RABGAP1L: variants seen among roughly 807,000 people sequenced by gnomAD.
RABGAP1L encodes the protein rab GTPase-activating protein 1-like.
RABGAP1L carries 63 observed loss-of-function variants against 137.7 expected under a neutral mutation model. The ratio of observed to expected loss-of-function variants is 0.46; its 90% CI spans 0.37 to 0.56. RABGAP1L has a LOEUF of 0.56. Among genes scored for constraint, RABGAP1L ranks in the 20% least tolerant of loss-of-function variants. The pLI, the probability that RABGAP1L is intolerant of heterozygous loss-of-function variation, is 0.00. For synonymous variants in RABGAP1L, 431 were observed against 433.7 expected, an observed-to-expected ratio of 0.99 and a Z score of 0.08; for missense variants, 1,095 against 1,244.0, an observed-to-expected ratio of 0.88 and a Z score of 1.80.
At chr1:174,743,126 T>G (rs896810027) in intron 17 of RABGAP1L, among the ~76,000 whole-genome samples, 2 of 152,124 alleles carry the variant, frequency 1.3e-5, no homozygotes, top group Non-Finnish European at 2.9e-5. Flanking sequence ...GCAGACGAGA[T>G]GAGATGGGAG....
chr1:174,852,814 T>TC (rs1648591941), intron 19 of RABGAP1L, among the ~76,000 whole-genome samples: 1 of 73,200 alleles, frequency 1.4e-5, no homozygotes, highest in African/African-American at 3.3e-5. Context: ...AGATTTGGTC[T>TC]CAAAAAAAAA....
At chr1:174,239,905 C>G (rs1429122554) in intron 4 of RABGAP1L, among the ~76,000 whole-genome samples, 2 of 152,114 alleles carry the variant, frequency 1.3e-5, no homozygotes, top group African/African-American at 4.8e-5. Context: ...TGCTAAATTC[C>G]AAGTACCAAA....
chr1:174,253,054 A>C (rs1571788960), intron 7 of RABGAP1L, among the ~76,000 whole-genome samples: 1 of 152,230 alleles, frequency 6.6e-6, no homozygotes, highest in Admixed American at 6.5e-5. Flanking sequence ...ATATAAATAA[A>C]GTCAACAAGA....
intron 19 of RABGAP1L, among the ~76,000 whole-genome samples, chr1:174,816,003 T>C (rs1690355801): frequency 6.6e-6 from 1 of 152,196 alleles, no homozygotes; most frequent in South Asian, 2.1e-4. Flanking sequence ...CATACTTTGA[T>C]TTTTGCCTTA....
At chr1:174,327,958 T>TAA (rs1680593982) in intron 11 of RABGAP1L, among the ~76,000 whole-genome samples, 4 of 11,514 alleles carry the variant, frequency 3.5e-4, no homozygotes, top group Non-Finnish European at 5.7e-4. Flanking sequence ...CAGTTGTAAA[T>TAA]ATATATATAT....
intron 13 of RABGAP1L, among the ~76,000 whole-genome samples, chr1:174,434,108 T>TACATACACACACACAC (rs1553301864): frequency 1.5e-5 from 2 of 134,050 alleles, no homozygotes; most frequent in African/African-American, 2.7e-5. Flanking sequence ...CGTGTACACA[T>TACATACACACACACAC]ACACACACAC....
At chr1:174,718,417 A>G (rs1428656651) in intron 17 of RABGAP1L, among the ~76,000 whole-genome samples, 19 of 152,200 alleles carry the variant, frequency 1.2e-4, no homozygotes, top group Admixed American at 1.2e-3. Context: ...GTTGTATTAT[A>G]AAAGACCCCC....
intron 4 of RABGAP1L, among the ~76,000 whole-genome samples, chr1:174,239,647 A>G (rs1387537253): frequency 1.3e-5 from 2 of 151,968 alleles, no homozygotes; most frequent in East Asian, 1.9e-4. Flanking sequence ...CTTCCTCACT[A>G]GATTATAAGC....
At chr1:174,959,901 A>C (rs753289557) in intron 20 of RABGAP1L, among the ~76,000 whole-genome samples, 31 of 152,224 alleles carry the variant, frequency 2.0e-4, no homozygotes, top group Non-Finnish European at 4.3e-4. Context: ...TTAAAGTAGC[A>C]AAGTTAGAAA....
chr1:174,492,666 A>G (rs758742599), intron 13 of RABGAP1L, among the ~76,000 whole-genome samples: 121 of 151,882 alleles, frequency 8.0e-4, no homozygotes, highest in Non-Finnish European at 1.4e-3. Context: ...TAATTCTTCA[A>G]ATGCACTGTA....
chr1:174,873,828 C>T (rs543582828), intron 19 of RABGAP1L, among the ~76,000 whole-genome samples: 3 of 152,246 alleles, frequency 2.0e-5, no homozygotes, highest in South Asian at 2.1e-4. Flanking sequence ...AATTTTTATA[C>T]TTGCTGCTTT....
Position 174,848,502 on chromosome 1 carries a change from T to G in RABGAP1L, c.2340+36542T>G, listed in dbSNP as rs1347195464. ...ATACCCTGCAGTGTGAGGTGTCAGTTTGCCCCTGCTGGGGGGTGCCTCCCA... is the reference window on the plus strand; with the variant it reads ...ATACCCTGCAGTGTGAGGTGTCAGTGTGCCCCTGCTGGGGGGTGCCTCCCA... On this transcript the variant is annotated intron_variant, in intron 19 of 25. Coordinates refer to ENST00000681986, the MANE Select transcript of RABGAP1L (RefSeq NM_001366446.1). Among the ~76,000 whole-genome samples, 295 of 147,218 alleles carry G rather than the reference T, an allele frequency of 2.0e-3. 1 individual carries two copies. The highest frequency in any genetic ancestry group is 4.3e-3 in the African/African-American group (163 of 38,028).
intron 13 of RABGAP1L, among the ~76,000 whole-genome samples, chr1:174,433,463 C>T (rs1056754417): frequency 6.6e-5 from 10 of 152,160 alleles, no homozygotes; most frequent in Admixed American, 6.5e-4. Context: ...ATTTTTGTCT[C>T]CATTTTTCTT....
At chr1:174,949,929 A>G (rs891752246) in intron 19 of RABGAP1L, among the ~76,000 whole-genome samples, 3 of 152,202 alleles carry the variant, frequency 2.0e-5, no homozygotes, top group African/African-American at 7.2e-5. Flanking sequence ...TAAAGTACAA[A>G]TCAGTATTTC....
intron 22 of RABGAP1L, among the ~76,000 whole-genome samples, chr1:174,977,843 A>AACTT (rs1670781992): frequency 7.8e-6 from 1 of 127,758 alleles, no homozygotes; most frequent in Admixed American, 7.6e-5. Flanking sequence ...AGATCACTAT[A>AACTT]ACTTACCAAT....
intron 7 of RABGAP1L, among the ~76,000 whole-genome samples, chr1:174,253,441 A>T (rs1378549402): frequency 1.3e-5 from 2 of 152,226 alleles, no homozygotes; most frequent in African/African-American, 4.8e-5. Flanking sequence ...CATAAGTCTT[A>T]TTCTAGGGAA....
At position 174,654,964 on chromosome 1, in the gene RABGAP1L, A is replaced by G. The variant is rs1448392329; in HGVS notation, c.1824+17476A>G. ...TTTTAAACTCATTTTTTATGATTAGATTCAACAGAGAAAATGATACTGTTA... is the reference window on the plus strand; with the variant it reads ...TTTTAAACTCATTTTTTATGATTAGGTTCAACAGAGAAAATGATACTGTTA... On this transcript the variant is annotated intron_variant, in intron 14 of 25. Coordinates refer to ENST00000681986, the MANE Select transcript of RABGAP1L (RefSeq NM_001366446.1). Among the ~76,000 whole-genome samples, 4 of 151,968 alleles carry G rather than the reference A, an allele frequency of 2.6e-5. No homozygotes were observed. The East Asian group carries it at 7.7e-4, about 29-fold the overall frequency.
At chr1:174,374,244 A>G (rs1171773555) in intron 12 of RABGAP1L, among the ~76,000 whole-genome samples, 4 of 152,168 alleles carry the variant, frequency 2.6e-5, no homozygotes, top group Non-Finnish European at 5.9e-5. Context: ...ATGGACCTCC[A>G]TGCATCATAG....
In RABGAP1L at chr1:174,946,394, A is replaced by C. The variant is rs77506721; in HGVS notation, c.2341-11063A>C. ...GGGGCATGTTCCTGTAGTCCCAGCT[A>C]CTTGGGAGGTTGAGTCAGGAGGACT... is the stretch of plus-strand genomic sequence containing the variant. On this transcript the variant is annotated intron_variant, in intron 19 of 25. Transcript: ENST00000681986. Among the ~76,000 whole-genome samples, 1,306 of 152,264 alleles carry C rather than the reference A, an allele frequency of 8.6e-3. 11 individuals carry two copies. Among genetic ancestry groups the C allele is most frequent in the African/African-American group, 0.03 (1,233 of 41,528 alleles).
Sources: gnomAD v4.1 joint callset for allele counts (sites outside exome capture counted in the v4.1 genomes callset) on GRCh38, gnomAD v4.1.1 for gene constraint, MANE v1.5 for transcripts, NCBI Gene and HGNC (gene_info 2026-07-23, HGNC 2026-07-21) for gene names.